The following LAMP3 variants were observed in gnomAD, a reference collection of about 807,000 sequenced individuals.
The protein encoded by LAMP3 is lysosome associated membrane protein 3.
Under a neutral mutation model 34.8 loss-of-function variants are expected in LAMP3, and 26 were observed. That is an observed-to-expected ratio of 0.75 (90% CI 0.55 to 1.04). The LOEUF (loss-of-function observed/expected upper bound fraction) is 1.04, where lower values mean the gene tolerates loss of function less well. LAMP3 is among the 50% of genes least tolerant of loss of function. The probability of loss-of-function intolerance (pLI) is 0.00; values close to 1 mark genes in which losing one functional copy is unlikely to be tolerated. For missense variants in LAMP3, 495 were observed against 524.0 expected, an observed-to-expected ratio of 0.94 and a Z score of 0.54; for synonymous variants, 180 against 201.9, an observed-to-expected ratio of 0.89 and a Z score of 0.92.
Position 183,162,324 on chromosome 3 carries a change from C to T in LAMP3, c.49+283G>A, listed in dbSNP as rs568938230. On this transcript the variant is annotated intron_variant, in intron 1 of 5. Transcript: ENST00000265598. ...CAAAGCCAAGACTCCCATTCCTAAA[C>T]CCTAGCTCAGGTCTCCATCTCTTAA... Among the ~76,000 whole-genome samples the T allele has an allele frequency of 7.2e-5, 11 of 152,290 alleles. No individual in the cohort carries two copies. The South Asian group carries it at 2.3e-3, about 32-fold the overall frequency.
At chr3:183,149,616 C>T (rs952676299) in intron 3 of LAMP3, among the ~76,000 whole-genome samples, 16 of 128,978 alleles carry the variant, frequency 1.2e-4, no homozygotes, top group African/African-American at 4.5e-4. Flanking sequence ...TGTATACACA[C>T]ACACACACAC....
chr3:183,151,381 C>T (rs923850462), intron 3 of LAMP3, among the ~76,000 whole-genome samples: 14 of 151,320 alleles, frequency 9.3e-5, no homozygotes, highest in Admixed American at 1.3e-4. Context: ...ATTGCAGCTG[C>T]TGGCTCTTGA....
chr3:183,162,729 A>G lies in LAMP3; in HGVS notation c.-74T>C. ...CCCCGAATCGGTGCCAGAGAAACCT[A>G]CCTGTGCCGGAGAAACGAAACCACC... is the stretch of plus-strand genomic sequence containing the variant. On this transcript the variant is annotated 5_prime_UTR_variant, in exon 1 of 6. Coordinates refer to ENST00000265598, the MANE Select transcript of LAMP3 (RefSeq NM_014398.4). The G allele has an allele frequency of 1.5e-6, 2 of 1,355,968 alleles. No individual in the cohort carries two copies. The highest frequency in any genetic ancestry group is 1.5e-5 in the South Asian group (1 of 67,640). The allele number at this position is 1,355,968 out of a possible 1,614,324, so 84.0% of individuals were successfully genotyped here.
chr3:183,132,436 G>A, intron 5 of LAMP3: 3 of 979,944 alleles, frequency 3.1e-6, no homozygotes, highest in Middle Eastern at 5.2e-4. Context: ...CAGGACTCTT[G>A]AAAATGTATA....
intron 1 of LAMP3, among the ~76,000 whole-genome samples, chr3:183,155,470 G>T (rs1720796693): frequency 1.3e-5 from 2 of 152,204 alleles, no homozygotes; most frequent in Non-Finnish European, 2.9e-5. Context: ...GTTGTCCTTT[G>T]TGTTCTGGCT....
At chr3:183,147,431 T>C (rs1042600771) in intron 3 of LAMP3, among the ~76,000 whole-genome samples, 6 of 124,882 alleles carry the variant, frequency 4.8e-5, no homozygotes, top group Non-Finnish European at 8.8e-5. Flanking sequence ...TCCCTCCCTT[T>C]TGTCTCCCAA....
At chr3:183,156,133 G>A (rs529128928) in intron 1 of LAMP3, among the ~76,000 whole-genome samples, 1 of 152,316 alleles carries the variant, frequency 6.6e-6, no homozygotes, top group East Asian at 1.9e-4. Context: ...GCCAACGTGG[G>A]CAGATCACCT....
intron 5 of LAMP3, among the ~76,000 whole-genome samples, chr3:183,134,446 C>T (rs1198107036): frequency 6.6e-6 from 1 of 152,182 alleles, no homozygotes; most frequent in Non-Finnish European, 1.5e-5. Flanking sequence ...TCACTTCCTG[C>T]TTCATAGAGG....
chr3:183,155,634 A>C (rs1202432304), intron 1 of LAMP3, among the ~76,000 whole-genome samples: 1 of 152,350 alleles, frequency 6.6e-6, no homozygotes, highest in Middle Eastern at 3.4e-3. Context: ...AATATTTAAC[A>C]ATCAGCCTGG....
rs568758909 is a variant in LAMP3, at chr3:183,135,725, A to G, written c.1109T>C (p.Phe370Ser). Residue 370 changes from phenylalanine to serine, a missense_variant, in exon 5 of 6, where the codon TTT becomes TCT. By Grantham distance (155) the Phe-to-Ser change is radical. Transcript: ENST00000265598. ...ATCGACCCTTAACTTACCATTTCCA[A>G]AGTGGTCATCTTCAAAATCAAAGGC... ...LQAFDFEDDHFGNVDECSSDY... is the reference protein window; with the variant it reads ...LQAFDFEDDHSGNVDECSSDY... 1.9e-6 allele frequency: 3 copies of G among 1,614,128 alleles called. No individual in the cohort carries two copies. In the South Asian group the frequency reaches 3.3e-5, roughly 18 times the overall value.
At position 183,154,290 on chromosome 3, in the gene LAMP3, GT is replaced by G; in HGVS notation, c.150del (p.Lys50AsnfsTer15). 1.2e-6 allele frequency: 2 copies of G among 1,614,050 alleles called. No individual in the cohort carries two copies. Among genetic ancestry groups the G allele is most frequent in the Non-Finnish European group, 1.7e-6 (2 of 1,179,994 alleles). The stretch of plus-strand genomic sequence containing the variant: ...GCTTGCTTAGCTGGTTGCTGGACAG[GT>G]TTTTTTATGTCCTGTACTGTTGCTG... ...TAAATVQDIK[K>X]PVQQPAKQAP... On this transcript the variant is annotated frameshift_variant, in exon 2 of 6. Coordinates refer to ENST00000265598, the MANE Select transcript of LAMP3 (RefSeq NM_014398.4). LOFTEE classifies it high-confidence loss of function.
At chr3:183,128,819 G>A (rs1018486244) in intron 5 of LAMP3, among the ~76,000 whole-genome samples, 1 of 152,140 alleles carries the variant, frequency 6.6e-6, no homozygotes, top group Non-Finnish European at 1.5e-5. Flanking sequence ...TGGGATGATA[G>A]GTGTGAGCCA....
At chr3:183,137,566 T>C (rs1168855627) in intron 4 of LAMP3, among the ~76,000 whole-genome samples, 1 of 152,168 alleles carries the variant, frequency 6.6e-6, no homozygotes, top group Non-Finnish European at 1.5e-5. Flanking sequence ...CTATACAATG[T>C]ACTGAATTCT....
At chr3:183,153,465 G>C (rs1453892050) in intron 2 of LAMP3, among the ~76,000 whole-genome samples, 1 of 152,142 alleles carries the variant, frequency 6.6e-6, no homozygotes, top group Non-Finnish European at 1.5e-5. Context: ...TTAAAGTTTT[G>C]TTTGCCTTCC....
chr3:183,130,400 C>G (rs369107520), intron 5 of LAMP3, among the ~76,000 whole-genome samples: 1 of 151,944 alleles, frequency 6.6e-6, no homozygotes, highest in Non-Finnish European at 1.5e-5. Flanking sequence ...CCTCATGATC[C>G]GCCCGCCTCG....
At position 183,143,994 on chromosome 3, in the gene LAMP3, G is replaced by A. The variant is rs578242878; in HGVS notation, c.889-3399C>T. 6.6e-5 allele frequency among the ~76,000 whole-genome samples: 10 copies of A among 152,156 alleles called. No homozygotes were observed. In the South Asian group the frequency reaches 1.5e-3, roughly 22 times the overall value. Reference sequence around the variant, plus strand: ...CAGCCCAATTCATCCTGCCCAGGACGCCAGCATGCCAATAACCATGGGGTC... The same window carrying A: ...CAGCCCAATTCATCCTGCCCAGGACACCAGCATGCCAATAACCATGGGGTC... On this transcript the variant is annotated intron_variant, in intron 3 of 5. Transcript: ENST00000265598.
At chr3:183,142,376 C>A (rs1275343809) in intron 3 of LAMP3, among the ~76,000 whole-genome samples, 1 of 152,028 alleles carries the variant, frequency 6.6e-6, no homozygotes, top group Admixed American at 6.6e-5. Flanking sequence ...GCAAAGACTC[C>A]TCAGAGGCCT....
chr3:183,140,144 C>T (rs941786937), intron 4 of LAMP3, among the ~76,000 whole-genome samples: 5 of 152,110 alleles, frequency 3.3e-5, no homozygotes, highest in South Asian at 2.1e-4. Flanking sequence ...CAGTGGCTCA[C>T]GCCTGTAATC....
intron 5 of LAMP3, among the ~76,000 whole-genome samples, chr3:183,129,394 A>G (rs1316264449): frequency 6.6e-6 from 1 of 152,044 alleles, no homozygotes; most frequent in Non-Finnish European, 1.5e-5. Context: ...TGAGGTCTAT[A>G]CGTCAGAGGC....
Sources: gnomAD v4.1 joint callset for allele counts (sites outside exome capture counted in the v4.1 genomes callset) on GRCh38, gnomAD v4.1.1 for gene constraint, MANE v1.5 for transcripts, NCBI Gene and HGNC (gene_info 2026-07-23, HGNC 2026-07-21) for gene names.